COL14A1: variants seen among roughly 807,000 people sequenced by gnomAD.
COL14A1 encodes the protein collagen alpha-1(XIV) chain.
Under a neutral mutation model 230.3 loss-of-function variants are expected in COL14A1, and 136 were observed. That is an observed-to-expected ratio of 0.59 (90% CI 0.51 to 0.68). The LOEUF is 0.68. Among genes scored for constraint, COL14A1 ranks in the 30% least tolerant of loss-of-function variants. The probability of loss-of-function intolerance (pLI) is 0.00; values close to 1 mark genes in which losing one functional copy is unlikely to be tolerated. For missense variants in COL14A1, 1,976 were observed against 2,215.8 expected (o/e 0.89, Z 2.17); for synonymous variants, 792 against 784.1 (o/e 1.01, Z -0.17).
At chr8:120,257,155 A>G (rs1274101504) in intron 23 of COL14A1, among the ~76,000 whole-genome samples, 1 of 152,212 alleles carries the variant, frequency 6.6e-6, no homozygotes, top group African/African-American at 2.4e-5. Flanking sequence ...TTTGCTGGCA[A>G]GTAAATGAGT....
chr8:120,169,076 G>C (rs994167876), intron 5 of COL14A1, among the ~76,000 whole-genome samples: 1 of 152,020 alleles, frequency 6.6e-6, no homozygotes, highest in Non-Finnish European at 1.5e-5. Context: ...GGCTGGTCTC[G>C]AACTCCTGAC....
intron 14 of COL14A1, among the ~76,000 whole-genome samples, chr8:120,223,818 C>T (rs1040833727): frequency 8.5e-5 from 13 of 152,096 alleles, no homozygotes; most frequent in African/African-American, 2.2e-4. Context: ...ACAGTTGGGG[C>T]ACCTCATTAT....
At chr8:120,246,064 T>G (rs969244080) in intron 20 of COL14A1, among the ~76,000 whole-genome samples, 7 of 152,168 alleles carry the variant, frequency 4.6e-5, no homozygotes, top group African/African-American at 1.7e-4. Flanking sequence ...TTCAAAATGG[T>G]GTCAAGGGCT....
At position 120,243,978 on chromosome 8, in the gene COL14A1, G is replaced by C. The variant is rs1286312511; in HGVS notation, c.2449G>C (p.Gly817Arg). Residue 817 changes from glycine (G) to arginine (R), a missense_variant, in exon 20 of 48, where the codon GGC becomes CGC. Coordinates refer to ENST00000297848, the MANE Select transcript of COL14A1 (RefSeq NM_021110.4). Reference sequence around the variant, plus strand: ...GACTCCCATCTACACGGATGGCGAAGGCGTCAGCGTCTCCGCTCCTGGAAA... The same window carrying C: ...GACTCCCATCTACACGGATGGCGAACGCGTCAGCGTCTCCGCTCCTGGAAA... ...TVTPIYTDGE[G>R]VSVSAPGKTL... 6.2e-7 allele frequency: 1 copy of C among 1,613,340 alleles called. No homozygotes were observed. Among genetic ancestry groups the C allele is most frequent in the Non-Finnish European group, 8.5e-7 (1 of 1,179,588 alleles).
intron 5 of COL14A1, among the ~76,000 whole-genome samples, chr8:120,174,363 T>G (rs1439248197): frequency 6.6e-6 from 1 of 152,144 alleles, no homozygotes; most frequent in Non-Finnish European, 1.5e-5. Flanking sequence ...TTATTAGCTA[T>G]AGCTATGTAT....
At chr8:120,255,500 T>C (rs1421500105) in intron 23 of COL14A1, 144 bp downstream of exon 23, 12 of 682,176 alleles carry the variant, frequency 1.8e-5, no homozygotes, top group Non-Finnish European at 2.9e-5. Context: ...ATGCTGCATA[T>C]GGGGTCTGAC....
intron 45 of COL14A1, among the ~76,000 whole-genome samples, chr8:120,348,987 G>T (rs980889686): frequency 6.6e-6 from 1 of 152,124 alleles, no homozygotes; most frequent in African/African-American, 2.4e-5. Context: ...TAATGTCCCT[G>T]TCTGACAGCT....
chr8:120,264,808 C>A (rs1451490561), intron 24 of COL14A1, among the ~76,000 whole-genome samples: 1 of 152,124 alleles, frequency 6.6e-6, no homozygotes, highest in Non-Finnish European at 1.5e-5. Flanking sequence ...GCTACCACAC[C>A]TTAATGTTCA....
intron 5 of COL14A1, among the ~76,000 whole-genome samples, chr8:120,193,795 A>T (rs1483116316): frequency 1.3e-5 from 2 of 151,958 alleles, no homozygotes; most frequent in Non-Finnish European, 2.9e-5. Flanking sequence ...TTATAGTTTG[A>T]TCTCAGACTG....
chr8:120,134,082 A>G (rs1436151000), intron 1 of COL14A1, among the ~76,000 whole-genome samples: 4 of 152,050 alleles, frequency 2.6e-5, no homozygotes, highest in Non-Finnish European at 5.9e-5. Context: ...TAAAGTGCTC[A>G]TGAAGAAATG....
At chr8:120,143,742 G>A (rs1284544006) in intron 1 of COL14A1, among the ~76,000 whole-genome samples, 2 of 152,056 alleles carry the variant, frequency 1.3e-5, no homozygotes, top group Non-Finnish European at 2.9e-5. Context: ...CTAAGAGATA[G>A]CTTGTACTCT....
intron 18 of COL14A1, among the ~76,000 whole-genome samples, chr8:120,229,412 T>C (rs1302990561): frequency 6.6e-6 from 1 of 151,962 alleles, no homozygotes; most frequent in Non-Finnish European, 1.5e-5. Context: ...ATTTCCAATT[T>C]CATCCATGTC....
At chr8:120,150,148 A>G (rs1449662118) in intron 2 of COL14A1, among the ~76,000 whole-genome samples, 1 of 152,210 alleles carries the variant, frequency 6.6e-6, no homozygotes, top group Non-Finnish European at 1.5e-5. Flanking sequence ...ATAAATTGCA[A>G]TATAAGTTAT....
At chr8:120,183,884 G>C (rs762321254) in intron 5 of COL14A1, among the ~76,000 whole-genome samples, 21 of 151,204 alleles carry the variant, frequency 1.4e-4, no homozygotes, top group Non-Finnish European at 2.1e-4. Flanking sequence ...TCCTTTCTCC[G>C]AAATACTTCT....
chr8:120,290,455 T>G (rs960329950), intron 34 of COL14A1, among the ~76,000 whole-genome samples: 1 of 152,214 alleles, frequency 6.6e-6, no homozygotes, highest in African/African-American at 2.4e-5. Flanking sequence ...CACAGCTAAT[T>G]AGCAGCATTC....
Position 120,283,654 on chromosome 8 carries a change from A to C in COL14A1, c.3843A>C (p.Gly1281=). 6.2e-7 allele frequency: 1 copy of C among 1,611,410 alleles called. No homozygotes were observed. The highest frequency in any genetic ancestry group is 8.5e-7 in the Non-Finnish European group (1 of 1,179,302). Residue 1281 remains glycine, a synonymous_variant, in exon 32 of 48, where the codon GGA becomes GGC. Transcript: ENST00000297848. The part of the protein sequence containing the change: ...SQPTRYLHPE[G]LPSDYTISFL... The stretch of plus-strand genomic sequence containing the variant: ...TGTTCAGGTACTTGCACCCAGAAGG[A>C]TTGCCCTCCGACTACACAATCAGTT...
At chr8:120,301,891 G>A (rs1820725242) in intron 36 of COL14A1, among the ~76,000 whole-genome samples, 1 of 152,022 alleles carries the variant, frequency 6.6e-6, no homozygotes, top group Admixed American at 6.6e-5. Context: ...TTTAATAATA[G>A]GCATTCTGAC....
intron 5 of COL14A1, among the ~76,000 whole-genome samples, chr8:120,193,174 GT>G (rs1254657517): frequency 1.3e-5 from 2 of 152,156 alleles, no homozygotes; most frequent in Admixed American, 1.3e-4. Context: ...CATCTTTGTG[GT>G]TTTATCTACT....
intron 45 of COL14A1, among the ~76,000 whole-genome samples, chr8:120,356,633 A>G (rs958684732): frequency 6.6e-6 from 1 of 152,008 alleles, no homozygotes; most frequent in Admixed American, 6.6e-5. Context: ...TTCAGTTGTA[A>G]TTAGTGCTAT....
Sources: gnomAD v4.1 joint callset for allele counts (sites outside exome capture counted in the v4.1 genomes callset) on GRCh38, gnomAD v4.1.1 for gene constraint, MANE v1.5 for transcripts, NCBI Gene and HGNC (gene_info 2026-07-23, HGNC 2026-07-21) for gene names.